Variants in MYSM1 observed in about 807,000 individuals in gnomAD.
The protein encoded by MYSM1 is deubiquitinase MYSM1.
Under a neutral mutation model 116.0 loss-of-function variants are expected in MYSM1, and 51 were observed. The ratio of observed to expected loss-of-function variants is 0.44; its 90% confidence interval spans 0.35 to 0.56. The LOEUF is 0.56. MYSM1 is among the 20% of genes least tolerant of loss of function. The pLI is 0.00. For missense variants in MYSM1, 900 were observed against 974.9 expected (o/e 0.92, Z 1.02); for synonymous variants, 313 against 315.2 (o/e 0.99, Z 0.07).
intron 8 of MYSM1, among the ~76,000 whole-genome samples, chr1:58,681,549 C>T (rs569547129): frequency 5.9e-5 from 9 of 152,270 alleles, no homozygotes; most frequent in African/African-American, 1.7e-4. Context: ...ATAAAGCAAT[C>T]GTCTATCCCT....
At chr1:58,668,570 C>G in intron 14 of MYSM1, 62 bp downstream of exon 14, 1 of 1,532,662 alleles carries the variant, frequency 6.5e-7, no homozygotes, top group Non-Finnish European at 8.7e-7. Context: ...CTTACGCCTG[C>G]AATAAAAATA....
intron 17 of MYSM1, among the ~76,000 whole-genome samples, chr1:58,663,890 C>G (rs1644430350): frequency 6.6e-6 from 1 of 152,124 alleles, no homozygotes; most frequent in Non-Finnish European, 1.5e-5. Context: ...TATCTGAAAA[C>G]CCTCTTAAGC....
At chr1:58,680,763 A>T (rs971816511) in intron 8 of MYSM1, among the ~76,000 whole-genome samples, 2 of 152,200 alleles carry the variant, frequency 1.3e-5, no homozygotes, top group Admixed American at 6.5e-5. Context: ...CTCTGTAAAG[A>T]TGGCCCTATA....
At chr1:58,674,008 T>C (rs756296198) in intron 10 of MYSM1, among the ~76,000 whole-genome samples, 5 of 152,310 alleles carry the variant, frequency 3.3e-5, no homozygotes, top group Non-Finnish European at 5.9e-5. Flanking sequence ...TTTCATCATG[T>C]AGGAGCTAAA....
chr1:58,674,047 T>G (rs1644605760), intron 10 of MYSM1, among the ~76,000 whole-genome samples: 1 of 152,206 alleles, frequency 6.6e-6, no homozygotes, highest in Non-Finnish European at 1.5e-5. Flanking sequence ...GGGTTTTTTT[T>G]GAGACGGAGT....
chr1:58,669,689 G>A (rs959165584), intron 12 of MYSM1, among the ~76,000 whole-genome samples: 18 of 151,584 alleles, frequency 1.2e-4, no homozygotes, highest in African/African-American at 3.2e-4. Context: ...CTAGCTGAGC[G>A]TGGTGGCGTG....
intron 18 of MYSM1, 24 bp from the exon 19 acceptor site, chr1:58,661,251 A>C: frequency 6.3e-7 from 1 of 1,586,588 alleles, no homozygotes; most frequent in East Asian, 2.2e-5. Flanking sequence ...TATGAAAACA[A>C]ACTGGTGAAA....
At chr1:58,695,647 C>T (rs1644963206) in intron 1 of MYSM1, among the ~76,000 whole-genome samples, 1 of 138,044 alleles carries the variant, frequency 7.2e-6, no homozygotes, top group African/African-American at 2.6e-5. Flanking sequence ...ATAGCACCAC[C>T]TATAAAATGA....
chr1:58,666,907 T>TAA lies in MYSM1; in HGVS notation c.2031+129_2031+130dup, dbSNP rs1490050541. On this transcript the variant is annotated intron_variant, in intron 16 of 19. Transcript: ENST00000472487. ...AAATAATAATAAAAATAAATAAAAA[T>TAA]AAACAAACAAAATCCCCAGTATAAA... is the stretch of plus-strand genomic sequence containing the variant. The TAA allele has an allele frequency of 9.1e-4, 385 of 424,716 alleles. 1 individual carries two copies. The highest frequency in any genetic ancestry group is 6.2e-3 in the African/African-American group (303 of 48,696). 26.3% of individuals were successfully genotyped at this position (424,716 alleles called of 1,614,324 possible). A position where few individuals can be genotyped will look rare whatever the true frequency, so the allele number is the denominator to read the frequency against.
At position 58,661,480 on chromosome 1, in the gene MYSM1, C is replaced by T. The variant is rs772094481; in HGVS notation, c.2196G>A (p.Met732Ile). ...RLPYKFEVQQMLEEPQWGLVF... is the reference protein window; with the variant it reads ...RLPYKFEVQQILEEPQWGLVF... The stretch of plus-strand genomic sequence containing the variant: ...CTAATCCCCACTGAGGTTCTTCTAA[C>T]ATCTGCTGTACTTCAAATTTGTAAG... Residue 732 changes from methionine (M) to isoleucine (I), a missense_variant, in exon 18 of 20, where the codon ATG becomes ATA. Around this residue, in one of 3 missense-constraint regions of MYSM1, gnomAD observed 186 missense variants for 196.2 expected, o/e 0.95. Coordinates refer to ENST00000472487, the MANE Select transcript of MYSM1 (RefSeq NM_001085487.3). The T allele has an allele frequency of 1.2e-5, 20 of 1,607,338 alleles. No homozygotes were observed. The highest frequency in any genetic ancestry group is 1.7e-5 in the Non-Finnish European group (20 of 1,174,438).
rs1166315660 is a variant in MYSM1, at chr1:58,654,853, T to C, written c.*5144A>G. On this transcript the variant is annotated 3_prime_UTR_variant, in exon 20 of 20. Coordinates refer to ENST00000472487, the MANE Select transcript of MYSM1 (RefSeq NM_001085487.3). Reference sequence around the variant, plus strand: ...TATCTTATAATGTGTCACAATTAAGTATGGAGAGTTCTGTCATTTTTGAGG... The same window carrying C: ...TATCTTATAATGTGTCACAATTAAGCATGGAGAGTTCTGTCATTTTTGAGG... 1.3e-5 allele frequency: 2 copies of C among 152,200 alleles called. No individual in the cohort carries two copies. Among genetic ancestry groups the C allele is most frequent in the Non-Finnish European group, 2.9e-5 (2 of 68,032 alleles). The allele number at this position is 152,200 out of a possible 1,614,324, so 9.4% of individuals were successfully genotyped here. A position where few individuals can be genotyped will look rare whatever the true frequency, so the allele number is the denominator to read the frequency against.
intron 17 of MYSM1, among the ~76,000 whole-genome samples, chr1:58,664,287 A>C (rs573023394): frequency 1.3e-5 from 2 of 152,334 alleles, no homozygotes; most frequent in East Asian, 3.9e-4. Flanking sequence ...AACTGTACTG[A>C]GCTAAAGAAT....
At chr1:58,685,519 C>T (rs1354186611) in intron 6 of MYSM1, among the ~76,000 whole-genome samples, 2 of 152,126 alleles carry the variant, frequency 1.3e-5, no homozygotes, top group African/African-American at 4.8e-5. Flanking sequence ...TATTGCCTAA[C>T]TGAATGAATT....
intron 1 of MYSM1, among the ~76,000 whole-genome samples, chr1:58,698,947 C>A (rs1359030400): frequency 1.3e-5 from 2 of 152,162 alleles, no homozygotes; most frequent in Non-Finnish European, 2.9e-5. Context: ...CACAGAGGCC[C>A]TAATATTAGG....
At chr1:58,688,187 AT>A (rs996831231) in intron 6 of MYSM1, among the ~76,000 whole-genome samples, 21 of 152,058 alleles carry the variant, frequency 1.4e-4, no homozygotes, top group Admixed American at 1.1e-3. Context: ...ATATAAGAAT[AT>A]CATACAGTAT....
chr1:58,667,988 C>T lies in MYSM1; in HGVS notation c.1768-67G>A, dbSNP rs1033429954. On this transcript the variant is annotated intron_variant, in intron 14 of 19. Transcript: ENST00000472487. ...CCACCTGACAAAGTAACAAAACTCA[C>T]TTATCATAAGAAAGTCATTTGTAAG... The T allele has an allele frequency of 1.2e-5, 13 of 1,086,586 alleles. No individual in the cohort carries two copies. The African/African-American group carries it at 1.6e-4, about 13-fold the overall frequency. The allele number at this position is 1,086,586 out of a possible 1,614,324, so 67.3% of individuals were successfully genotyped here.
intron 5 of MYSM1, chr1:58,689,768 C>A (rs542226437): frequency 1.2e-4 from 18 of 156,512 alleles, no homozygotes; most frequent in Admixed American, 8.5e-4. Context: ...GGACCATAAA[C>A]TTCCAAAGTC....
intron 3 of MYSM1, among the ~76,000 whole-genome samples, chr1:58,691,492 C>T (rs1051328873): frequency 6.6e-6 from 1 of 152,150 alleles, no homozygotes; most frequent in South Asian, 2.1e-4. Context: ...TAGACAGTGG[C>T]CACCAACCAC....
chr1:58,683,345 A>G (rs1316987582), intron 7 of MYSM1, among the ~76,000 whole-genome samples: 2 of 152,334 alleles, frequency 1.3e-5, no homozygotes, highest in South Asian at 2.1e-4. Context: ...TCCTTAATCT[A>G]TCTGACATCT....
Sources: gnomAD v4.1 joint callset for allele counts (sites outside exome capture counted in the v4.1 genomes callset) on GRCh38, gnomAD v4.1.1 for gene constraint, gnomAD v4.1.1 regional missense constraint, MANE v1.5 for transcripts, NCBI Gene and HGNC (gene_info 2026-07-23, HGNC 2026-07-21) for gene names.